The following TBX19 variants were observed in gnomAD, a reference collection of about 807,000 sequenced individuals.
The protein encoded by TBX19 is T-box transcription factor 19.
A neutral mutation model predicts 40.9 loss-of-function variants in TBX19; 33 were observed. The observed-to-expected ratio is 0.81, with a 90% confidence interval of 0.61 to 1.08. The LOEUF (loss-of-function observed/expected upper bound fraction) is 1.08, where lower values mean the gene tolerates loss of function less well. TBX19 is among the 50% of genes least tolerant of loss of function. TBX19 has a pLI of 0.00. For synonymous variants in TBX19, 220 were observed against 225.0 expected (o/e 0.98, Z 0.20); for missense variants, 494 against 574.0 (o/e 0.86, Z 1.42).
At chr1:168,281,770 A>G (rs986844396) in intron 1 of TBX19, among the ~76,000 whole-genome samples, 5 of 152,190 alleles carry the variant, frequency 3.3e-5, no homozygotes, top group African/African-American at 1.2e-4. Context: ...ATGTAAACTC[A>G]TTGCCTATCA....
intron 6 of TBX19, among the ~76,000 whole-genome samples, chr1:168,306,574 C>T (rs984753156): frequency 1.6e-5 from 2 of 125,120 alleles, no homozygotes; most frequent in Non-Finnish European, 3.2e-5. Context: ...TGCAGTGAGC[C>T]AAGATTGTGC....
intron 3 of TBX19, 41 bp downstream of exon 3, chr1:168,293,319 G>A (rs751620501): frequency 1.3e-6 from 2 of 1,566,222 alleles, no homozygotes; most frequent in Non-Finnish European, 1.7e-6. Context: ...GTGTGTGTGT[G>A]TGTGTGTAAC....
rs1649573773 is a variant in TBX19, at chr1:168,313,521, C to A, written c.*519C>A. The stretch of plus-strand genomic sequence containing the variant: ...AAAGAATAAAGCTAATCATGTATTA[C>A]AAACAGCAGTGTGCCCAGACTTGTG... On this transcript the variant is annotated 3_prime_UTR_variant, in exon 8 of 8. Coordinates refer to ENST00000367821, the MANE Select transcript of TBX19 (RefSeq NM_005149.3). 1 of 183,366 alleles carries A rather than the reference C, an allele frequency of 5.5e-6. No homozygotes were observed. Among genetic ancestry groups the A allele is most frequent in the Non-Finnish European group, 1.1e-5 (1 of 87,134 alleles). The allele number at this position is 183,366 out of a possible 1,614,324, so 11.4% of individuals were successfully genotyped here.
chr1:168,282,918 T>C (rs539641226), intron 1 of TBX19, among the ~76,000 whole-genome samples: 3 of 152,238 alleles, frequency 2.0e-5, no homozygotes, highest in Non-Finnish European at 4.4e-5. Flanking sequence ...GAATAAATAA[T>C]AAAAGTTTCT....
chr1:168,294,909 C>T (rs113145721), intron 3 of TBX19, among the ~76,000 whole-genome samples: 1,861 of 152,238 alleles, frequency 0.012, 27 homozygotes, highest in Non-Finnish European at 0.018. Context: ...AATTGCTTCC[C>T]TCAAAATGGC....
rs141206148 is a variant in TBX19 at position 168,304,103 on chromosome 1, C to G, written c.728-905C>G. 1.6e-3 allele frequency among the ~76,000 whole-genome samples: 250 copies of G among 152,272 alleles called. 2 individuals are homozygous for G. Among genetic ancestry groups the G allele is most frequent in the African/African-American group, 5.8e-3 (240 of 41,556 alleles). On this transcript the variant is annotated intron_variant, in intron 5 of 7. Transcript: ENST00000367821. ...CCGGCCCCTATTCAAGATGGAGTCA[C>G]TCTGGTTCAAACACCTCTGACACAA... is the stretch of plus-strand genomic sequence containing the variant.
intron 5 of TBX19, among the ~76,000 whole-genome samples, chr1:168,301,863 T>C (rs12097681): frequency 0.027 from 4,149 of 152,230 alleles, 202 homozygotes; most frequent in African/African-American, 0.095. Context: ...GGAACAAAAA[T>C]GCCTTTAAAG....
intron 6 of TBX19, among the ~76,000 whole-genome samples, chr1:168,306,210 C>G (rs939339334): frequency 8.5e-5 from 13 of 152,210 alleles, no homozygotes; most frequent in African/African-American, 3.1e-4. Flanking sequence ...TTACCAATAG[C>G]AGAAACTGAG....
chr1:168,308,830 C>G lies in TBX19; in HGVS notation c.1005C>G (p.Ser335Arg). 6.2e-7 allele frequency: 1 copy of G among 1,614,154 alleles called. No individual in the cohort carries two copies. Among genetic ancestry groups the G allele is most frequent in the South Asian group, 1.1e-5 (1 of 91,072 alleles). The change falls in exon 7 of 8, where the codon AGC (serine) becomes AGG (arginine). Residue 335 changes from serine to arginine, a missense_variant. This residue lies in a region of TBX19 where 284 missense variants were observed against 307.3 expected (regional missense o/e 0.92). Transcript: ENST00000367821. ...CCTTATCCTCCACACCCCATGCCAG[C>G]ATCCTGTCTGTACCCCACACCAACG... ...WTSLSSTPHA[S>R]ILSVPHTNGP...
intron 4 of TBX19, 108 bp downstream of exon 4, chr1:168,297,893 C>T: frequency 9.9e-7 from 1 of 1,005,442 alleles, no homozygotes; most frequent in Non-Finnish European, 1.5e-6. Context: ...ACTTTCATTA[C>T]CTTTTATAGA....
In TBX19 at chr1:168,313,019, C is replaced by T; in HGVS notation, c.*17C>T. The T allele has an allele frequency of 6.2e-7, 1 of 1,613,936 alleles. No homozygotes were observed. The highest frequency in any genetic ancestry group is 8.5e-7 in the Non-Finnish European group (1 of 1,179,942). On this transcript the variant is annotated 3_prime_UTR_variant, in exon 8 of 8. Coordinates refer to ENST00000367821, the MANE Select transcript of TBX19 (RefSeq NM_005149.3). ...GATGGTTAAGCAGGATCCTAGGAGC[C>T]TCTTTGCACAGCGATCCTTCCATGT...
chr1:168,302,678 GAAAAAAACCCCAAAACCAA>G (rs973170068), intron 5 of TBX19, among the ~76,000 whole-genome samples: 9 of 151,390 alleles, frequency 5.9e-5, no homozygotes, highest in African/African-American at 2.4e-5. Context: ...AAGAAAAAAG[GAAAAAAACCCCAAAACCAA>G]AAAAAAACCC....
chr1:168,290,776 T>C (rs900818146), intron 1 of TBX19, among the ~76,000 whole-genome samples: 34 of 152,192 alleles, frequency 2.2e-4, no homozygotes, highest in African/African-American at 8.0e-4. Flanking sequence ...TAAATGCTAT[T>C]ACTATTATTC....
Position 168,308,766 on chromosome 1 carries a change from A to G in TBX19, c.941A>G (p.Asn314Ser), listed in dbSNP as rs1213418077. 10 of 1,614,130 alleles carry G rather than the reference A, an allele frequency of 6.2e-6. No individual in the cohort carries two copies. Among genetic ancestry groups the G allele is most frequent in the Non-Finnish European group, 8.5e-6 (10 of 1,180,028 alleles). ...PSVNLIESSSNNLQVFSGPDS... is the reference protein window; with the variant it reads ...PSVNLIESSSSNLQVFSGPDS... ...GTGAATTTGATAGAAAGCTCAAGCA[A>G]TAATCTGCAAGTTTTCTCGGGACCT... Residue 314 changes from asparagine to serine, a missense_variant, in exon 7 of 8, where the codon AAT becomes AGT. Transcript: ENST00000367821.
At position 168,292,241 on chromosome 1, in the gene TBX19, C is replaced by A. The variant is rs149958758; in HGVS notation, c.468+817C>A. Among the ~76,000 whole-genome samples the A allele has an allele frequency of 1.9e-3, 295 of 152,208 alleles. 4 individuals carry two copies. The highest frequency in any genetic ancestry group is 6.9e-3 in the African/African-American group (286 of 41,538). ...TCATGTGTCCAGAGGTAACACTACC[C>A]GAGTCTGTGATACTCAGAAGCTTCC... On this transcript the variant is annotated intron_variant, in intron 2 of 7. Transcript: ENST00000367821.
Position 168,281,146 on chromosome 1 carries a change from T to G in TBX19, c.56T>G (p.Leu19Arg). The change falls in exon 1 of 8, where the codon CTG (leucine) becomes CGG (arginine). Residue 19 changes from leucine (L) to arginine (R), a missense_variant. Leu to Arg is a moderately radical substitution (Grantham distance 102). Coordinates refer to ENST00000367821, the MANE Select transcript of TBX19 (RefSeq NM_005149.3). ...CCCAGCGATGGCACTGTTTCTCATCTGCTCAATGTGGTGGAGAGTGAGCTT... is the reference window on the plus strand; with the variant it reads ...CCCAGCGATGGCACTGTTTCTCATCGGCTCAATGTGGTGGAGAGTGAGCTT... Reference protein sequence around the residue: ...RKPSDGTVSHLLNVVESELQA... With the variant: ...RKPSDGTVSHRLNVVESELQA... The G allele has an allele frequency of 6.2e-7, 1 of 1,614,202 alleles. No homozygotes were observed.
At chr1:168,282,014 G>C (rs1241853283) in intron 1 of TBX19, among the ~76,000 whole-genome samples, 1 of 152,146 alleles carries the variant, frequency 6.6e-6, no homozygotes, top group Non-Finnish European at 1.5e-5. Context: ...GGCTGTCCAG[G>C]TAATATTAGA....
intron 1 of TBX19, among the ~76,000 whole-genome samples, chr1:168,289,025 T>G (rs1648873566): frequency 6.6e-6 from 1 of 152,216 alleles, no homozygotes; most frequent in Non-Finnish European, 1.5e-5. Context: ...AAATGACAAT[T>G]ATACACATGC....
intron 7 of TBX19, among the ~76,000 whole-genome samples, chr1:168,309,690 C>A (rs1377428244): frequency 1.3e-5 from 2 of 152,126 alleles, no homozygotes; most frequent in Admixed American, 1.3e-4. Context: ...GTTCTGACTT[C>A]TAGAAATCTG....
Sources: allele counts gnomAD v4.1 joint callset (sites outside exome capture counted in the v4.1 genomes callset), GRCh38; gene constraint gnomAD v4.1.1; regional missense constraint gnomAD v4.1.1; transcripts MANE v1.5; gene names NCBI Gene and HGNC (gene_info 2026-07-23, HGNC 2026-07-21).